Variants in GCNT2 observed in about 807,000 individuals in gnomAD.
GCNT2 encodes the protein N-acetyllactosaminide beta-1,6-N-acetylglucosaminyl-transferase.
A neutral mutation model predicts 34.2 loss-of-function variants in GCNT2; 34 were observed. The observed-to-expected ratio is 1.00, with a 90% confidence interval of 0.76 to 1.32. The LOEUF (loss-of-function observed/expected upper bound fraction) is 1.32. Ranked by LOEUF, GCNT2 falls within the 40% of genes most tolerant of loss-of-function variation. GCNT2 has a pLI of 0.00. For synonymous variants in GCNT2, 212 were observed against 188.0 expected, an observed-to-expected ratio of 1.13 and a Z score of -1.04; for missense variants, 584 against 489.4, an observed-to-expected ratio of 1.19 and a Z score of -1.82.
chr6:10,597,536 C>T (rs555249386), intron 3 of GCNT2, among the ~76,000 whole-genome samples: 3 of 152,098 alleles, frequency 2.0e-5, no homozygotes, highest in African/African-American at 7.2e-5. Flanking sequence ...GTGACTACGA[C>T]TTGCTAACAT....
intron 3 of GCNT2, among the ~76,000 whole-genome samples, chr6:10,541,119 G>A (rs566725882): frequency 2.6e-5 from 4 of 152,236 alleles, no homozygotes; most frequent in East Asian, 1.9e-4. Flanking sequence ...CATCACCTAC[G>A]TATTAAGCCC....
chr6:10,581,273 T>A (rs1050278554), intron 3 of GCNT2, among the ~76,000 whole-genome samples: 1 of 152,164 alleles, frequency 6.6e-6, no homozygotes, highest in Non-Finnish European at 1.5e-5. Context: ...ATTTATTTTT[T>A]ATTTTTTATT....
intron 3 of GCNT2, among the ~76,000 whole-genome samples, chr6:10,533,992 T>TCC (rs1761635838): frequency 6.6e-6 from 1 of 151,598 alleles, no homozygotes; most frequent in Non-Finnish European, 1.5e-5. Context: ...TCGCAGAGTC[T>TCC]CCACCTCTGC....
intron 3 of GCNT2, among the ~76,000 whole-genome samples, chr6:10,584,051 GACCGGCGCTTAGTAAGTGAGGACCAAC>G (rs1764232480): frequency 6.6e-6 from 1 of 152,078 alleles, no homozygotes; most frequent in Admixed American, 6.5e-5. Context: ...GGCCCTGGGG[GACCGGCGCTTAGTAAGTGAGGACCAAC>G]ACCGGTGCTC....
At chr6:10,591,744 C>T (rs1214046749) in intron 3 of GCNT2, among the ~76,000 whole-genome samples, 1 of 152,192 alleles carries the variant, frequency 6.6e-6, no homozygotes, top group Non-Finnish European at 1.5e-5. Context: ...ATGTAGACTT[C>T]TCCTGAATTG....
At chr6:10,556,205 AAGG>A (rs1022659680) in intron 3 of GCNT2, 12 of 1,421,218 alleles carry the variant, frequency 8.4e-6, no homozygotes, top group Middle Eastern at 2.6e-4. Context: ...GATTTAAACA[AAGG>A]AGGTTTGAGA....
At chr6:10,593,260 A>G (rs926575322) in intron 3 of GCNT2, among the ~76,000 whole-genome samples, 1 of 152,198 alleles carries the variant, frequency 6.6e-6, no homozygotes, top group Non-Finnish European at 1.5e-5. Flanking sequence ...CGGCAAGATC[A>G]TTTCTCCAAC....
intron 3 of GCNT2, among the ~76,000 whole-genome samples, chr6:10,538,374 C>T (rs1322057854): frequency 7.8e-6 from 1 of 128,134 alleles, no homozygotes; most frequent in Non-Finnish European, 1.5e-5. Flanking sequence ...CACCATTGCA[C>T]TCTGGCCTGG....
chr6:10,601,171 A>G (rs550379601), intron 3 of GCNT2, among the ~76,000 whole-genome samples: 53 of 152,300 alleles, frequency 3.5e-4, no homozygotes, highest in African/African-American at 1.2e-3. Context: ...TTTTGCCCAT[A>G]AATAACAGAA....
intron 3 of GCNT2, among the ~76,000 whole-genome samples, chr6:10,592,382 C>A (rs1424878836): frequency 6.6e-6 from 1 of 152,152 alleles, no homozygotes; most frequent in Non-Finnish European, 1.5e-5. Flanking sequence ...GTAAAGGGCT[C>A]TAGGCTCTTC....
intron 1 of GCNT2, among the ~76,000 whole-genome samples, chr6:10,523,730 T>C (rs1456563540): frequency 1.3e-5 from 2 of 152,004 alleles, no homozygotes; most frequent in Non-Finnish European, 2.9e-5. Flanking sequence ...CCCAGCACTT[T>C]GGGAGGCCGG....
intron 3 of GCNT2, among the ~76,000 whole-genome samples, chr6:10,607,942 A>G (rs1049294552): frequency 7.2e-5 from 11 of 152,208 alleles, no homozygotes; most frequent in African/African-American, 2.7e-4. Flanking sequence ...CAGAGCAGGC[A>G]CTTGAATCCT....
At chr6:10,566,332 C>T (rs1763283499) in intron 3 of GCNT2, among the ~76,000 whole-genome samples, 1 of 152,168 alleles carries the variant, frequency 6.6e-6, no homozygotes, top group South Asian at 2.1e-4. Context: ...AGGCCTGGCT[C>T]TGTGACCCAG....
intron 3 of GCNT2, among the ~76,000 whole-genome samples, chr6:10,547,513 C>T (rs1005971223): frequency 1.3e-5 from 2 of 152,134 alleles, no homozygotes; most frequent in African/African-American, 2.4e-5. Flanking sequence ...TTAGGTTATA[C>T]CTTTTGGGCA....
At chr6:10,589,548 C>T (rs1284657470) in intron 3 of GCNT2, among the ~76,000 whole-genome samples, 3 of 152,028 alleles carry the variant, frequency 2.0e-5, no homozygotes, top group Non-Finnish European at 4.4e-5. Context: ...GTGCTGTCTC[C>T]GGGGTCCATC....
chr6:10,550,770 A>C (rs542094158), intron 3 of GCNT2, among the ~76,000 whole-genome samples: 33 of 152,352 alleles, frequency 2.2e-4, no homozygotes, highest in Admixed American at 8.5e-4. Context: ...GGCGTGAGCC[A>C]CCACACTTGT....
At chr6:10,551,861 G>T (rs181177236) in intron 3 of GCNT2, among the ~76,000 whole-genome samples, 1 of 151,876 alleles carries the variant, frequency 6.6e-6, no homozygotes, top group Non-Finnish European at 1.5e-5. Flanking sequence ...AGGTTCAAGC[G>T]ATTCTCCTGC....
intron 3 of GCNT2, among the ~76,000 whole-genome samples, chr6:10,572,482 G>A (rs563248778): frequency 1.3e-5 from 2 of 152,218 alleles, no homozygotes; most frequent in East Asian, 1.9e-4. Context: ...CCAGCACTTT[G>A]GGAGGTCAAG....
chr6:10,586,663 C>T (rs1196637033), intron 3 of GCNT2: 1 of 1,614,016 alleles, frequency 6.2e-7, no homozygotes, highest in African/African-American at 1.3e-5. Flanking sequence ...CCTGACCATG[C>T]AATTAAGCGA....
Sources: gnomAD v4.1 joint callset for allele counts (sites outside exome capture counted in the v4.1 genomes callset) on GRCh38, gnomAD v4.1.1 for gene constraint, MANE v1.5 for transcripts, NCBI Gene and HGNC (gene_info 2026-07-23, HGNC 2026-07-21) for gene names.